The following ANTXRL variants were observed in gnomAD, a reference collection of about 807,000 sequenced individuals.
ANTXRL encodes ANTXR like.
In ANTXRL, 63 loss-of-function variants were observed where a neutral mutation model predicts 75.4. That is an observed-to-expected ratio of 0.84 (90% CI 0.68 to 1.03). The LOEUF is 1.03. Among genes scored for constraint, ANTXRL ranks in the 50% least tolerant of loss-of-function variants. ANTXRL has a pLI of 0.00. For missense variants in ANTXRL, 797 were observed against 789.4 expected, an observed-to-expected ratio of 1.01 and a Z score of -0.12; for synonymous variants, 335 against 291.3, an observed-to-expected ratio of 1.15 and a Z score of -1.53.
chr10:46,317,710 A>C (rs112122955), intron 16 of ANTXRL, among the ~76,000 whole-genome samples: 6,943 of 151,820 alleles, frequency 0.046, 539 homozygotes, highest in African/African-American at 0.16. Context: ...CCAACCCCAA[A>C]ACACATGCAC....
chr10:46,308,324 C>T (rs1284542219), intron 12 of ANTXRL: 8 of 390,456 alleles, frequency 2.0e-5, no homozygotes, highest in East Asian at 7.5e-5. Context: ...GCTCCCACCT[C>T]GCCAGCGGCC....
At chr10:46,309,055 G>C (rs1588841950) in intron 12 of ANTXRL, 58 bp from the exon 13 acceptor site, 5 of 1,534,286 alleles carry the variant, frequency 3.3e-6, no homozygotes, top group Non-Finnish European at 4.4e-6. Flanking sequence ...GCCACCAAGT[G>C]GTGGGCACGG....
chr10:46,301,707 T>C lies in ANTXRL; in HGVS notation c.797-1015T>C, dbSNP rs183249647. ...AGGCTTTTAACTGCAGGCTCCCATT[T>C]TGAAAGCCTCAGAAAGCATGTCGGT... On this transcript the variant is annotated intron_variant, in intron 9 of 16. Coordinates refer to ENST00000620264, the MANE Select transcript of ANTXRL (RefSeq NM_001278688.3). 1.1e-4 allele frequency among the ~76,000 whole-genome samples: 17 copies of C among 152,340 alleles called. No individual in the cohort carries two copies. The East Asian group carries it at 3.1e-3, about 28-fold the overall frequency.
chr10:46,299,758 G>A (rs1837602883), intron 9 of ANTXRL, among the ~76,000 whole-genome samples: 1 of 152,160 alleles, frequency 6.6e-6, no homozygotes, highest in South Asian at 2.1e-4. Flanking sequence ...CAGAAAAGAC[G>A]CTGTCAGGCC....
At chr10:46,287,762 T>G (rs1836823565) in intron 1 of ANTXRL, among the ~76,000 whole-genome samples, 1 of 152,114 alleles carries the variant, frequency 6.6e-6, no homozygotes, top group South Asian at 2.1e-4. Context: ...TCCCTACCCC[T>G]CCATCAGCTG....
At position 46,309,120 on chromosome 10, in the gene ANTXRL, T is replaced by A; in HGVS notation, c.1052T>A (p.Phe351Tyr). ...GCTCTCTTTCTCCACCAGGGCATTT[T>A]CCGCAACTGGCTCTATTTTGTGCCA... is the stretch of plus-strand genomic sequence containing the variant. ...VSITSTTCGIFRNWLYFVPLL... is the reference protein window; with the variant it reads ...VSITSTTCGIYRNWLYFVPLL... The change falls in exon 13 of 17, where the codon TTC becomes TAC. Residue 351 changes from phenylalanine to tyrosine, a missense_variant. By Grantham distance (22) the Phe-to-Tyr change is conservative. Coordinates refer to ENST00000620264, the MANE Select transcript of ANTXRL (RefSeq NM_001278688.3). The A allele has an allele frequency of 2.6e-6, 4 of 1,535,788 alleles. No homozygotes were observed. The highest frequency in any genetic ancestry group is 3.5e-6 in the Non-Finnish European group (4 of 1,146,696).
At chr10:46,298,647 A>G (rs1837533689) in intron 9 of ANTXRL, among the ~76,000 whole-genome samples, 1 of 150,472 alleles carries the variant, frequency 6.6e-6, no homozygotes, top group African/African-American at 2.5e-5. Flanking sequence ...GTGTGCAGGT[A>G]TGTGGTGTCC....
intron 1 of ANTXRL, among the ~76,000 whole-genome samples, chr10:46,291,522 T>G (rs1398163926): frequency 1.3e-5 from 2 of 152,190 alleles, no homozygotes; most frequent in Non-Finnish European, 2.9e-5. Context: ...ACAATATTAT[T>G]ATTGTGCCTT....
upstream of ANTXRL, among the ~76,000 whole-genome samples, chr10:46,286,716 C>T (rs374472938): frequency 1.3e-5 from 2 of 152,178 alleles, no homozygotes; most frequent in African/African-American, 4.8e-5. Flanking sequence ...ACTTCAGTGT[C>T]ACACAAATAA....
At chr10:46,291,985 T>TG in intron 1 of ANTXRL, 73 bp from the exon 2 acceptor site, 2 of 1,410,152 alleles carry the variant, frequency 1.4e-6, no homozygotes, top group Non-Finnish European at 1.9e-6. Context: ...GCTGGGAGGC[T>TG]GGGGGCGGGG....
intron 16 of ANTXRL, among the ~76,000 whole-genome samples, chr10:46,315,018 A>T (rs1165786088): frequency 6.6e-6 from 1 of 152,202 alleles, no homozygotes; most frequent in Non-Finnish European, 1.5e-5. Flanking sequence ...TTTCTGTCGG[A>T]TACCCAAGAA....
chr10:46,325,430 G>A (rs2132922215), intron 16 of ANTXRL, among the ~76,000 whole-genome samples: 1 of 152,228 alleles, frequency 6.6e-6, no homozygotes, highest in Middle Eastern at 3.4e-3. Context: ...AATTGGAGAG[G>A]CATAAGATTG....
chr10:46,319,710 A>G (rs2132881894), intron 16 of ANTXRL, among the ~76,000 whole-genome samples: 1 of 152,304 alleles, frequency 6.6e-6, no homozygotes. Flanking sequence ...TAGAATAAAT[A>G]TAAAGATTAG....
intron 1 of ANTXRL, among the ~76,000 whole-genome samples, chr10:46,287,849 C>T (rs1183024298): frequency 3.3e-5 from 5 of 152,158 alleles, no homozygotes; most frequent in Non-Finnish European, 4.4e-5. Flanking sequence ...CAGATGCTCA[C>T]TGCGGATGTT....
Position 46,291,993 on chromosome 10 carries a change from G to A in ANTXRL, c.249-65G>A. On this transcript the variant is annotated intron_variant, in intron 1 of 16. Transcript: ENST00000620264. Reference sequence around the variant, plus strand: ...AGAGCCTGCTGGGAGGCTGGGGGCGGGGCAGACACTTGCCCATCGGAGAGA... The same window carrying A: ...AGAGCCTGCTGGGAGGCTGGGGGCGAGGCAGACACTTGCCCATCGGAGAGA... 3.4e-6 allele frequency: 5 copies of A among 1,454,766 alleles called. No individual in the cohort carries two copies. In the South Asian group the frequency reaches 4.9e-5, roughly 14 times the overall value. 90.1% of individuals were successfully genotyped at this position (1,454,766 alleles called of 1,614,324 possible). A position where few individuals can be genotyped will look rare whatever the true frequency, so the allele number is the denominator to read the frequency against.
chr10:46,314,060 T>C (rs1247047695), intron 16 of ANTXRL, among the ~76,000 whole-genome samples: 6 of 152,166 alleles, frequency 3.9e-5, no homozygotes, highest in African/African-American at 1.4e-4. Context: ...TGGAAGATGA[T>C]TTCATCACCA....
chr10:46,293,305 T>A (rs1466451536), intron 2 of ANTXRL, among the ~76,000 whole-genome samples: 1 of 140,724 alleles, frequency 7.1e-6, no homozygotes, highest in Admixed American at 7.1e-5. Context: ...TGCCTGTGTG[T>A]GTGTGCGTGT....
Position 46,287,523 on chromosome 10 carries a change from TC to T in ANTXRL, c.248+14del. The T allele has an allele frequency of 7.2e-6, 11 of 1,531,958 alleles. No homozygotes were observed. Among genetic ancestry groups the T allele is most frequent in the Non-Finnish European group, 9.6e-6 (11 of 1,144,432 alleles). 94.9% of individuals were successfully genotyped at this position (1,531,958 alleles called of 1,614,324 possible). On this transcript the variant is annotated intron_variant, in intron 1 of 16. Transcript: ENST00000620264. ...TCATCTTGGACAAGTGAGTGTCCCT[TC>T]TAGCTCTGGCCCTGGGTCACCCTCA...
intron 14 of ANTXRL, among the ~76,000 whole-genome samples, chr10:46,310,982 C>G (rs1372707372): frequency 2.0e-5 from 3 of 152,022 alleles, no homozygotes; most frequent in Admixed American, 2.0e-4. Context: ...ATGGGGGAGT[C>G]CTGGTGGGCA....
Sources: allele counts gnomAD v4.1 joint callset (sites outside exome capture counted in the v4.1 genomes callset), GRCh38; gene constraint gnomAD v4.1.1; transcripts MANE v1.5; gene names NCBI Gene and HGNC (gene_info 2026-07-23, HGNC 2026-07-21).